The following ODAD3 variants were observed in gnomAD, a reference collection of about 807,000 sequenced individuals.
ODAD3 encodes the protein outer dynein arm-docking complex subunit 3.
ODAD3 carries 57 observed loss-of-function variants against 70.9 expected under a neutral mutation model. The ratio of observed to expected loss-of-function variants is 0.80; its 90% CI spans 0.65 to 1.00. ODAD3 has a LOEUF of 1.00. Among genes scored for constraint, ODAD3 ranks in the 50% least tolerant of loss-of-function variants. ODAD3 has a pLI of 0.00. For synonymous variants in ODAD3, 327 were observed against 315.9 expected (o/e 1.04, Z -0.37); for missense variants, 797 against 763.9 (o/e 1.04, Z -0.51).
chr19:11,421,901 G>C (rs1969144699), intron 10 of ODAD3, 69 bp from the exon 11 acceptor site: 2 of 1,528,870 alleles, frequency 1.3e-6, no homozygotes, highest in Non-Finnish European at 8.8e-7. Flanking sequence ...CCCAGGGGCG[G>C]GGCTTTTCTT....
rs1302922687 is a variant in ODAD3 at position 11,421,711 on chromosome 19, A to C, written c.1556T>G (p.Val519Gly). ...KLQAQLQGHD[V>G]QEMLCHIANR... ...AGCGATGTGGCACAGCATCTCCTGCACGTCGTGGCCCTGGAGCTGCGCCTG... is the reference window on the plus strand; with the variant it reads ...AGCGATGTGGCACAGCATCTCCTGCCCGTCGTGGCCCTGGAGCTGCGCCTG... Residue 519 changes from valine to glycine, a missense_variant, in exon 11 of 13, where the codon GTG (valine) becomes GGG (glycine). Transcript: ENST00000356392. The C allele has an allele frequency of 6.2e-7, 1 of 1,613,184 alleles. No individual in the cohort carries two copies. Among genetic ancestry groups the C allele is most frequent in the Non-Finnish European group, 8.5e-7 (1 of 1,179,962 alleles).
chr19:11,426,087 G>A (rs1969364539), intron 7 of ODAD3, 57 bp downstream of exon 7: 4 of 1,574,968 alleles, frequency 2.5e-6, no homozygotes, highest in East Asian at 2.3e-5. Flanking sequence ...CCAGGGCATG[G>A]CTGGTTTGTG....
intron 3 of ODAD3, among the ~76,000 whole-genome samples, chr19:11,428,237 A>AGTTTT (rs1969428360): frequency 1.3e-5 from 2 of 148,314 alleles, no homozygotes; most frequent in South Asian, 4.5e-4. Flanking sequence ...CACCCAGCCC[A>AGTTTT]GTTTTGTTTT....
At chr19:11,435,642 C>T (rs1353586737), upstream of ODAD3, 2 of 1,263,520 alleles carry the variant, frequency 1.6e-6, no homozygotes, top group Non-Finnish European at 2.1e-6. Context: ...TTTCTTTCTG[C>T]AGCAGGAACC....
chr19:11,422,640 G>T lies in ODAD3; in HGVS notation c.1278-13C>A, dbSNP rs1201761160. 3 of 1,603,534 alleles carry T rather than the reference G, an allele frequency of 1.9e-6. No individual in the cohort carries two copies. The highest frequency in any genetic ancestry group is 2.5e-6 in the Non-Finnish European group (3 of 1,176,508). ...CAGTTTCTGCTGGCTGCAGGGAGCC[G>T]GGAGGTCACCCCGGGGGCTCAGCCC... is the stretch of plus-strand genomic sequence containing the variant. On this transcript the variant is annotated splice_polypyrimidine_tract_variant and intron_variant, in intron 9 of 12. Transcript: ENST00000356392. This position sits in a 1 kb window ranked among gnomAD's most constrained non-coding sequence, Gnocchi z 4.6.
At chr19:11,425,372 T>TATGTGTATGTAC (rs1311029892) in intron 7 of ODAD3, among the ~76,000 whole-genome samples, 2 of 131,520 alleles carry the variant, frequency 1.5e-5, no homozygotes, top group Non-Finnish European at 3.0e-5. Context: ...CATATGTGTA[T>TATGTGTATGTAC]ATATGTGTGT....
At chr19:11,425,299 ATGTGTATG>A (rs1232108649) in intron 7 of ODAD3, among the ~76,000 whole-genome samples, 1 of 126,498 alleles carries the variant, frequency 7.9e-6, no homozygotes, top group Admixed American at 7.4e-5. Context: ...ATGTGTATAT[ATGTGTATG>A]TGTACATATG....
chr19:11,423,419 A>G (rs1300007415), intron 8 of ODAD3, among the ~76,000 whole-genome samples: 1 of 152,010 alleles, frequency 6.6e-6, no homozygotes, highest in African/African-American at 2.4e-5. Flanking sequence ...CCCAAGGGGG[A>G]CACAGCGGTC....
At chr19:11,435,182 C>G, upstream of ODAD3, 1 of 1,428,978 alleles carries the variant, frequency 7.0e-7, no homozygotes, top group Non-Finnish European at 9.1e-7. Context: ...ACCGCCTCCC[C>G]GTCTCTCTCC....
At position 11,435,089 on chromosome 19, in the gene ODAD3, G is replaced by C. The variant is rs777560519; in HGVS notation, c.-73C>G. 13 of 1,520,652 alleles carry C rather than the reference G, an allele frequency of 8.5e-6. No homozygotes were observed. Among genetic ancestry groups the C allele is most frequent in the Non-Finnish European group, 1.1e-5 (12 of 1,139,860 alleles). 94.2% of individuals were successfully genotyped at this position (1,520,652 alleles called of 1,614,324 possible). On this transcript the variant is annotated 5_prime_UTR_variant, in exon 1 of 13. Transcript: ENST00000356392. The stretch of plus-strand genomic sequence containing the variant: ...AGTCAGTCGCCCCTGTCAGGGATCC[G>C]TCAGCTCGGATTCCTAGGGCTCTGA...
upstream of ODAD3, chr19:11,435,482 A>T (rs762386762): frequency 5.3e-6 from 2 of 378,130 alleles, no homozygotes; most frequent in African/African-American, 4.3e-5. Context: ...CCTCAGAACT[A>T]TCCTCTCTAA....
At chr19:11,421,313 A>G in intron 11 of ODAD3, 101 bp from the exon 12 acceptor site, 1 of 1,106,140 alleles carries the variant, frequency 9.0e-7, no homozygotes, top group Non-Finnish European at 1.3e-6. Context: ...GATATGCCCT[A>G]GTTCCAACTG....
At position 11,434,826 on chromosome 19, in the gene ODAD3, T is replaced by G. The variant is rs770818801; in HGVS notation, c.191A>C (p.Lys64Thr). The stretch of plus-strand genomic sequence containing the variant: ...AGCCACCTGAGAGTGCACAGAGGGC[T>G]TCCCTGCACCTCTGTGGAAGGATCC... ...KGGSFHRGAG[K>T]PSVHSQVAEL... is the part of the protein sequence containing the mutation. Residue 64 changes from lysine (K) to threonine (T), a missense_variant, in exon 1 of 13, where the codon AAG becomes ACG. Coordinates refer to ENST00000356392, the MANE Select transcript of ODAD3 (RefSeq NM_145045.5). The G allele has an allele frequency of 5.0e-6, 8 of 1,614,174 alleles. No individual in the cohort carries two copies. The highest frequency in any genetic ancestry group is 6.8e-6 in the Non-Finnish European group (8 of 1,180,006).
At chr19:11,428,737 T>C (rs1349007098) in intron 3 of ODAD3, among the ~76,000 whole-genome samples, 5 of 151,424 alleles carry the variant, frequency 3.3e-5, no homozygotes, top group Non-Finnish European at 7.4e-5. Flanking sequence ...TGTTGTAGAG[T>C]CAAAGTTTCA....
Position 11,427,056 on chromosome 19 carries a change from G to A in ODAD3, c.445-16C>T, listed in dbSNP as rs1044155841. On this transcript the variant is annotated splice_polypyrimidine_tract_variant and intron_variant, in intron 3 of 12. Transcript: ENST00000356392. ...GCTCCAGGGCCTGCCGCAAGGAGGG[G>A]AGCGAAAGCAGGAGCCTCAACACCC... 2 of 1,558,954 alleles carry A rather than the reference G, an allele frequency of 1.3e-6. No individual in the cohort carries two copies. The highest frequency in any genetic ancestry group is 1.7e-6 in the Non-Finnish European group (2 of 1,157,050).
intron 7 of ODAD3, 72 bp downstream of exon 7, chr19:11,426,072 G>A: frequency 1.9e-6 from 3 of 1,548,062 alleles, no homozygotes; most frequent in East Asian, 2.3e-5. Context: ...TAGGATGAGG[G>A]AGAGCCAGGG....
intron 3 of ODAD3, 91 bp downstream of exon 3, chr19:11,430,608 C>T: frequency 3.4e-6 from 4 of 1,169,932 alleles, no homozygotes; most frequent in Non-Finnish European, 3.9e-6. Flanking sequence ...AGCTAGTGTG[C>T]AGGAAGGATT....
At chr19:11,425,397 A>T (rs1051257826) in intron 7 of ODAD3, among the ~76,000 whole-genome samples, 1 of 136,650 alleles carries the variant, frequency 7.3e-6, no homozygotes, top group African/African-American at 3.1e-5. Context: ...ACATATGTGT[A>T]TATGTATATA....
chr19:11,425,370 T>TAC (rs1969313225), intron 7 of ODAD3, among the ~76,000 whole-genome samples: 1 of 124,744 alleles, frequency 8.0e-6, no homozygotes, highest in Non-Finnish European at 1.7e-5. Context: ...TACATATGTG[T>TAC]ATATATGTGT....
Sources: allele counts gnomAD v4.1 joint callset (sites outside exome capture counted in the v4.1 genomes callset), GRCh38; gene constraint gnomAD v4.1.1; non-coding constraint Gnocchi (gnomAD v3.1); transcripts MANE v1.5; gene names NCBI Gene and HGNC (gene_info 2026-07-23, HGNC 2026-07-21).